Variants in NAPB observed in about 807,000 individuals in gnomAD.
The protein encoded by NAPB is NSF attachment protein beta, also known as beta-soluble NSF attachment protein.
A neutral mutation model predicts 44.7 loss-of-function variants in NAPB; 26 were observed. The ratio of observed to expected loss-of-function variants is 0.58; its 90% CI spans 0.43 to 0.81. The LOEUF is 0.81. NAPB is among the 30% of genes least tolerant of loss of function. The pLI is 0.00. For synonymous variants in NAPB, 120 were observed against 116.8 expected (o/e 1.03, Z -0.18); for missense variants, 315 against 356.4 (o/e 0.88, Z 0.94).
intron 5 of NAPB, among the ~76,000 whole-genome samples, chr20:23,392,848 GTA>G (rs1480486498): frequency 6.6e-6 from 1 of 151,634 alleles, no homozygotes; most frequent in Non-Finnish European, 1.5e-5. Flanking sequence ...GAAAAAAAGA[GTA>G]TGTCACATTT....
chr20:23,419,396 CCTTTAAGGATTATAAG>C (rs931014417), intron 1 of NAPB, among the ~76,000 whole-genome samples: 3 of 152,186 alleles, frequency 2.0e-5, no homozygotes, highest in African/African-American at 7.2e-5. Flanking sequence ...TTTTCAAAAT[CCTTTAAGGATTATAAG>C]CTCAAGATTT....
intron 1 of NAPB, among the ~76,000 whole-genome samples, chr20:23,406,364 CTGCTGTGGT>C (rs899507998): frequency 9.9e-5 from 15 of 152,218 alleles, no homozygotes; most frequent in African/African-American, 3.1e-4. Flanking sequence ...TGTTCTAAAA[CTGCTGTGGT>C]TGCATAGCCC....
At chr20:23,392,474 T>C (rs929757515) in intron 5 of NAPB, among the ~76,000 whole-genome samples, 1 of 152,034 alleles carries the variant, frequency 6.6e-6, no homozygotes, top group African/African-American at 2.4e-5. Context: ...GAGACCAGCC[T>C]GGGCAACATG....
In NAPB at chr20:23,403,072, T is replaced by C. The variant is rs745890085; in HGVS notation, c.99A>G (p.Gly33=). ...ASHSFLRGLF[G]GNTRIEEACE... ...AAGCCTCTTCTATTCTTGTGTTTCC[T>C]CTGAGAAAAAGTTAAAAATTAGATT... Residue 33 remains glycine, a splice_region_variant and synonymous_variant, in exon 2 of 11, where the codon GGA becomes GGG. Coordinates refer to ENST00000377026, the MANE Select transcript of NAPB (RefSeq NM_022080.3). 1 of 1,611,250 alleles carries C rather than the reference T, an allele frequency of 6.2e-7. No homozygotes were observed. The highest frequency in any genetic ancestry group is 8.5e-7 in the Non-Finnish European group (1 of 1,179,020).
chr20:23,403,145 C>T, intron 1 of NAPB, 73 bp from the exon 2 acceptor site: 1 of 1,074,174 alleles, frequency 9.3e-7, no homozygotes, highest in Non-Finnish European at 1.4e-6. Context: ...AAATGATTAA[C>T]ATTTAGTATA....
intron 1 of NAPB, among the ~76,000 whole-genome samples, chr20:23,410,592 A>C (rs1205527364): frequency 6.6e-6 from 1 of 152,220 alleles, no homozygotes; most frequent in Non-Finnish European, 1.5e-5. Context: ...TATGCTCAGT[A>C]TCTGGGTGAC....
intron 5 of NAPB, among the ~76,000 whole-genome samples, 192 bp downstream of exon 5, chr20:23,394,730 A>G (rs1369697607): frequency 6.6e-6 from 1 of 152,040 alleles, no homozygotes; most frequent in Non-Finnish European, 1.5e-5. Context: ...ATCAGCTCTC[A>G]TGTCTTAGAT....
intron 5 of NAPB, 33 bp from the exon 6 acceptor site, chr20:23,390,297 T>C: frequency 6.4e-7 from 1 of 1,555,618 alleles, no homozygotes; most frequent in Non-Finnish European, 8.9e-7. Context: ...CACACACAAT[T>C]TATTTGGAGA....
Position 23,379,453 on chromosome 20 carries a change from T to C in NAPB, c.778A>G (p.Thr260Ala), listed in dbSNP as rs1982824490. Residue 260 changes from threonine (T) to alanine (A), a missense_variant, in exon 10 of 11, where the codon ACT becomes GCT. Thr to Ala is a moderately conservative substitution (Grantham distance 58, BLOSUM62 0). Transcript: ENST00000377026. ...AHEEQNSEAY[T>A]EAVKEFDSIS... The stretch of plus-strand genomic sequence containing the variant: ...CCAAAAGCATAACTTACTGCTTCAG[T>C]GTAAGCTTCACTGTTCTGTTCTTCA... The C allele has an allele frequency of 6.2e-7, 1 of 1,605,730 alleles. No individual in the cohort carries two copies. The highest frequency in any genetic ancestry group is 1.7e-4 in the Middle Eastern group (1 of 6,006).
At chr20:23,411,881 T>C (rs922635944) in intron 1 of NAPB, among the ~76,000 whole-genome samples, 5 of 152,168 alleles carry the variant, frequency 3.3e-5, no homozygotes, top group East Asian at 1.9e-4. Context: ...GTAAATATAG[T>C]AGTATGACAG....
At chr20:23,415,321 C>T (rs1356147388) in intron 1 of NAPB, among the ~76,000 whole-genome samples, 4 of 152,278 alleles carry the variant, frequency 2.6e-5, no homozygotes, top group East Asian at 3.9e-4. Flanking sequence ...CTGCGCTGGG[C>T]ACGGTGGCTC....
chr20:23,418,882 G>T (rs567277385), intron 1 of NAPB, among the ~76,000 whole-genome samples: 1 of 152,236 alleles, frequency 6.6e-6, no homozygotes, highest in Admixed American at 6.5e-5. Flanking sequence ...GGGAGGCGGA[G>T]GTTGCAGTTA....
chr20:23,414,729 T>G (rs2123263045), intron 1 of NAPB, among the ~76,000 whole-genome samples: 1 of 148,328 alleles, frequency 6.7e-6, no homozygotes, highest in African/African-American at 2.5e-5. Context: ...TCTTTGAAGG[T>G]ACAAAAGCTT....
At chr20:23,409,601 A>T (rs991366723) in intron 1 of NAPB, among the ~76,000 whole-genome samples, 2 of 152,232 alleles carry the variant, frequency 1.3e-5, no homozygotes, top group South Asian at 4.1e-4. Flanking sequence ...AGCAGTTTTT[A>T]AATTGAATTT....
chr20:23,395,225 T>C (rs758345823), intron 3 of NAPB, 40 bp from the exon 4 acceptor site: 2 of 1,610,008 alleles, frequency 1.2e-6, no homozygotes, highest in Non-Finnish European at 1.7e-6. Context: ...GAAAAATCCA[T>C]TCAGTCAAAG....
intron 1 of NAPB, among the ~76,000 whole-genome samples, chr20:23,412,647 CAG>C (rs1452532490): frequency 6.6e-6 from 1 of 152,124 alleles, no homozygotes; most frequent in East Asian, 1.9e-4. Context: ...ACATGAAAGA[CAG>C]AGACAATATA....
intron 1 of NAPB, among the ~76,000 whole-genome samples, chr20:23,408,112 A>C (rs1241211734): frequency 6.6e-6 from 1 of 152,240 alleles, no homozygotes; most frequent in Non-Finnish European, 1.5e-5. Context: ...TGACAGTACT[A>C]TGAAGATAAG....
At chr20:23,387,502 C>CA (rs1983615260) in intron 7 of NAPB, among the ~76,000 whole-genome samples, 1 of 151,964 alleles carries the variant, frequency 6.6e-6, no homozygotes, top group South Asian at 2.1e-4. Context: ...GAAATCCACA[C>CA]AAAAAAACCT....
At position 23,376,557 on chromosome 20, in the gene NAPB, T is replaced by C. The variant is rs1337534711; in HGVS notation, c.*819A>G. On this transcript the variant is annotated 3_prime_UTR_variant, in exon 11 of 11. Coordinates refer to ENST00000377026, the MANE Select transcript of NAPB (RefSeq NM_022080.3). Reference sequence around the variant, plus strand: ...GGAAAGTGTATAAACATGAAAATAATGAGCAGGCTATGCCAATTAAAATAC... The same window carrying C: ...GGAAAGTGTATAAACATGAAAATAACGAGCAGGCTATGCCAATTAAAATAC... 6.6e-6 allele frequency: 1 copy of C among 152,180 alleles called. No homozygotes were observed. The highest frequency in any genetic ancestry group is 1.5e-5 in the Non-Finnish European group (1 of 68,024). The allele number at this position is 152,180 out of a possible 1,614,324, so 9.4% of individuals were successfully genotyped here.
Sources: allele counts gnomAD v4.1 joint callset (sites outside exome capture counted in the v4.1 genomes callset), GRCh38; gene constraint gnomAD v4.1.1; transcripts MANE v1.5; gene names NCBI Gene and HGNC (gene_info 2026-07-23, HGNC 2026-07-21).